Variants in AP2A2 observed in about 807,000 individuals in gnomAD.
The protein encoded by AP2A2 is adaptor related protein complex 2 subunit alpha 2, also known as AP-2 complex subunit alpha-2.
AP2A2 carries 32 observed loss-of-function variants against 104.2 expected under a neutral mutation model. The ratio of observed to expected loss-of-function variants is 0.31; its 90% confidence interval spans 0.23 to 0.41. The LOEUF (loss-of-function observed/expected upper bound fraction) is 0.41, where lower values mean the gene tolerates loss of function less well. AP2A2 is among the 10% of genes least tolerant of loss of function. The pLI is 1.00. For synonymous variants in AP2A2, 539 were observed against 533.3 expected, an observed-to-expected ratio of 1.01 and a Z score of -0.15; for missense variants, 912 against 1,261.0, an observed-to-expected ratio of 0.72 and a Z score of 4.19.
chr11:999,696 A>T (rs1684043693), intron 14 of AP2A2, among the ~76,000 whole-genome samples: 1 of 152,150 alleles, frequency 6.6e-6, no homozygotes. Flanking sequence ...ATTTAGTAAT[A>T]ATTTAATGAT....
At chr11:951,186 G>A (rs1258632961) in intron 1 of AP2A2, among the ~76,000 whole-genome samples, 2 of 151,976 alleles carry the variant, frequency 1.3e-5, no homozygotes, top group African/African-American at 4.8e-5. Context: ...TCAGAAAAAT[G>A]CATATCAAAA....
At chr11:971,325 G>A (rs1281503171) in intron 3 of AP2A2, among the ~76,000 whole-genome samples, 1 of 152,232 alleles carries the variant, frequency 6.6e-6, no homozygotes, top group Non-Finnish European at 1.5e-5. Context: ...GAGGAGCAGG[G>A]AGAGCAGAGC....
At chr11:954,327 CAG>C (rs1233178703) in intron 1 of AP2A2, among the ~76,000 whole-genome samples, 1 of 152,190 alleles carries the variant, frequency 6.6e-6, no homozygotes, top group Non-Finnish European at 1.5e-5. Context: ...TCCCCCTCCT[CAG>C]GGGCTGGCCT....
rs759741882 is a variant in AP2A2, at chr11:1,011,596, C to G, written c.*971C>G. On this transcript the variant is annotated 3_prime_UTR_variant, in exon 22 of 22. Transcript: ENST00000448903. Reference sequence around the variant, plus strand: ...ATCTGGACTCAGCACCCAGGCTGCACGTCTGACACCTGAGAGGCGAGAGAG... The same window carrying G: ...ATCTGGACTCAGCACCCAGGCTGCAGGTCTGACACCTGAGAGGCGAGAGAG... The G allele has an allele frequency of 7.0e-6, 3 of 427,008 alleles. No homozygotes were observed. Among genetic ancestry groups the G allele is most frequent in the African/African-American group, 6.0e-5 (3 of 49,656 alleles). 26.5% of individuals were successfully genotyped at this position (427,008 alleles called of 1,614,324 possible). A position where few individuals can be genotyped will look rare whatever the true frequency, so the allele number is the denominator to read the frequency against.
At chr11:1,003,890 G>A (rs1856108940) in intron 16 of AP2A2, 86 bp downstream of exon 16, 5 of 843,030 alleles carry the variant, frequency 5.9e-6, no homozygotes, top group South Asian at 5.9e-5. Context: ...TACTTATAAG[G>A]GATAGATATC....
Position 933,325 on chromosome 11 carries a change from T to A in AP2A2, c.67+7237T>A, listed in dbSNP as rs369878155. ...ACAGTTTTTACCAGGCCACATGATGTCCCAGACTTAGATTATAAAACCACA... is the reference window on the plus strand; with the variant it reads ...ACAGTTTTTACCAGGCCACATGATGACCCAGACTTAGATTATAAAACCACA... On this transcript the variant is annotated intron_variant, in intron 1 of 21. Coordinates refer to ENST00000448903, the MANE Select transcript of AP2A2 (RefSeq NM_012305.4). Among the ~76,000 whole-genome samples the A allele has an allele frequency of 3.3e-5, 5 of 152,318 alleles. No homozygotes were observed. The South Asian group carries it at 1.0e-3, about 32-fold the overall frequency.
intron 15 of AP2A2, among the ~76,000 whole-genome samples, chr11:1,002,957 CTG>C (rs1329904857): frequency 6.6e-6 from 1 of 152,250 alleles, no homozygotes; most frequent in Non-Finnish European, 1.5e-5. Context: ...ACATCCATCT[CTG>C]TGCTGGGTTC....
intron 1 of AP2A2, among the ~76,000 whole-genome samples, chr11:951,148 C>T (rs535604439): frequency 1.7e-4 from 26 of 151,398 alleles, no homozygotes; most frequent in African/African-American, 5.8e-4. Flanking sequence ...AATAGATTTA[C>T]GAATGTTCAA....
chr11:998,811 C>T (rs1855939238), intron 14 of AP2A2, among the ~76,000 whole-genome samples: 1 of 152,124 alleles, frequency 6.6e-6, no homozygotes, highest in Non-Finnish European at 1.5e-5. Flanking sequence ...CTCCTGCCTC[C>T]ACCTCCTGAG....
chr11:994,438 G>T (rs576875279), intron 14 of AP2A2, among the ~76,000 whole-genome samples, 193 bp downstream of exon 14: 1 of 151,638 alleles, frequency 6.6e-6, no homozygotes, highest in South Asian at 2.1e-4. Flanking sequence ...TGTCCTGGGG[G>T]CCACTGTCCC....
At chr11:935,593 T>C (rs1467046878) in intron 1 of AP2A2, among the ~76,000 whole-genome samples, 12 of 140,438 alleles carry the variant, frequency 8.5e-5, no homozygotes, top group East Asian at 4.1e-4. Flanking sequence ...TGAGCCACTG[T>C]GCCCGGCCAG....
chr11:928,670 G>C (rs571062501), intron 1 of AP2A2, among the ~76,000 whole-genome samples: 1 of 152,242 alleles, frequency 6.6e-6, no homozygotes, highest in African/African-American at 2.4e-5. Flanking sequence ...GTTGTCCGCC[G>C]TCGAGAACCA....
At chr11:927,879 G>C (rs1200474160) in intron 1 of AP2A2, among the ~76,000 whole-genome samples, 1 of 147,586 alleles carries the variant, frequency 6.8e-6, no homozygotes, top group African/African-American at 2.5e-5. Context: ...TTTACGAGTA[G>C]CATTTTTTCT....
chr11:946,089 A>G (rs1443234793), intron 1 of AP2A2, among the ~76,000 whole-genome samples: 1 of 152,198 alleles, frequency 6.6e-6, no homozygotes, highest in Non-Finnish European at 1.5e-5. Context: ...AAAAGCAGTG[A>G]AAACACTGGC....
intron 2 of AP2A2, among the ~76,000 whole-genome samples, chr11:967,584 T>TCTCCTGACCTCATGATC (rs1854663743): frequency 6.6e-6 from 1 of 152,012 alleles, no homozygotes; most frequent in Admixed American, 6.6e-5. Flanking sequence ...ATGGTCTCTA[T>TCTCCTGACCTCATGATC]CTCCTGACCT....
At position 925,979 on chromosome 11, in the gene AP2A2, C is replaced by T. The variant is rs1409032707; in HGVS notation, c.-43C>T. ...CCCGCTTCCCGCTCCCCGCGCTCCT[C>T]CGCCCGGGTCCGCCAGCCGAGGCCG... On this transcript the variant is annotated 5_prime_UTR_variant, in exon 1 of 22. Transcript: ENST00000448903. 48 of 1,371,602 alleles carry T rather than the reference C, an allele frequency of 3.5e-5. No individual in the cohort carries two copies. Among genetic ancestry groups the T allele is most frequent in the Non-Finnish European group, 4.5e-5 (47 of 1,044,826 alleles). The allele number at this position is 1,371,602 out of a possible 1,614,324, so 85.0% of individuals were successfully genotyped here.
rs554369040 is a variant in AP2A2, at chr11:1,008,046, C to G, written c.2331C>G (p.Thr777=). The change falls in exon 18 of 22, where the codon ACC becomes ACG. Residue 777 remains threonine (T), a synonymous_variant. Transcript: ENST00000448903. ...LNLQTKPVDP[T]VEGGAQVQQV... is the part of the protein sequence containing the mutation. ...TGCAGACCAAGCCCGTGGACCCGAC[C>G]GTGGAGGGGGGCGCGCAGGTGCAGC... is the stretch of plus-strand genomic sequence containing the variant. 3.9e-5 allele frequency: 62 copies of G among 1,573,372 alleles called. No homozygotes were observed. The South Asian group carries it at 7.2e-4, about 18-fold the overall frequency.
At chr11:977,049 G>T in intron 4 of AP2A2, 46 bp from the exon 5 acceptor site, 1 of 1,610,530 alleles carries the variant, frequency 6.2e-7, no homozygotes, top group Non-Finnish European at 8.5e-7. Flanking sequence ...GCAGCTCTGC[G>T]CTGTCTTCAG....
chr11:937,708 T>C (rs1456199146), intron 1 of AP2A2, among the ~76,000 whole-genome samples: 1 of 152,258 alleles, frequency 6.6e-6, no homozygotes, highest in Non-Finnish European at 1.5e-5. Flanking sequence ...ATTTATTGAA[T>C]ACTGTATGAA....
Sources: allele counts gnomAD v4.1 joint callset (sites outside exome capture counted in the v4.1 genomes callset), GRCh38; gene constraint gnomAD v4.1.1; transcripts MANE v1.5; gene names NCBI Gene and HGNC (gene_info 2026-07-23, HGNC 2026-07-21).